ITGB3BP: variants seen among roughly 807,000 people sequenced by gnomAD.
ITGB3BP encodes centromere protein R.
A neutral mutation model predicts 29.1 loss-of-function variants in ITGB3BP; 27 were observed. The ratio of observed to expected loss-of-function variants is 0.93; its 90% CI spans 0.68 to 1.28. The LOEUF (loss-of-function observed/expected upper bound fraction) is 1.28. Ranked by LOEUF, ITGB3BP falls within the 50% of genes most tolerant of loss-of-function variation. ITGB3BP has a pLI of 0.00. For synonymous variants in ITGB3BP, 61 were observed against 61.4 expected, an observed-to-expected ratio of 0.99 and a Z score of 0.03; for missense variants, 192 against 200.2, an observed-to-expected ratio of 0.96 and a Z score of 0.25.
intron 2 of ITGB3BP, among the ~76,000 whole-genome samples, chr1:63,493,209 C>T (rs1426166650): frequency 6.6e-6 from 1 of 151,882 alleles, no homozygotes; most frequent in East Asian, 1.9e-4. Flanking sequence ...CACTTGAGGC[C>T]GAGTAGGAGA....
At position 63,446,859 on chromosome 1, in the gene ITGB3BP, A is replaced by G; in HGVS notation, c.485-3T>C. 1 of 1,604,186 alleles carries G rather than the reference A, an allele frequency of 6.2e-7. No homozygotes were observed. The highest frequency in any genetic ancestry group is 8.5e-7 in the Non-Finnish European group (1 of 1,173,236). Reference sequence around the variant, plus strand: ...ATAGCTGTCAAGATGACGTGATGCTATATGAAAGAAGAAAGGTTTTTTTTT... The same window carrying G: ...ATAGCTGTCAAGATGACGTGATGCTGTATGAAAGAAGAAAGGTTTTTTTTT... On this transcript the variant is annotated splice_polypyrimidine_tract_variant and splice_region_variant and intron_variant, in intron 7 of 8. Coordinates refer to ENST00000271002, the MANE Select transcript of ITGB3BP (RefSeq NM_014288.5).
At chr1:63,441,827 C>T (rs1644734385) in intron 8 of ITGB3BP, among the ~76,000 whole-genome samples, 1 of 152,118 alleles carries the variant, frequency 6.6e-6, no homozygotes, top group Non-Finnish European at 1.5e-5. Flanking sequence ...GTGGTAGAGG[C>T]TCATGTCTCT....
chr1:63,459,928 A>G (rs749797203), intron 4 of ITGB3BP, among the ~76,000 whole-genome samples: 1 of 152,140 alleles, frequency 6.6e-6, no homozygotes, highest in Non-Finnish European at 1.5e-5. Context: ...GGCAATTCTT[A>G]TGCACATAAA....
intron 3 of ITGB3BP, among the ~76,000 whole-genome samples, chr1:63,481,548 A>G (rs1409154872): frequency 6.6e-6 from 1 of 152,170 alleles, no homozygotes; most frequent in African/African-American, 2.4e-5. Context: ...AAGTGACCAA[A>G]CACTTGTGTA....
chr1:63,515,656 T>C (rs149809012), intron 1 of ITGB3BP, among the ~76,000 whole-genome samples: 144 of 151,584 alleles, frequency 9.5e-4, no homozygotes, highest in Non-Finnish European at 1.4e-3. Context: ...TGAAACCCCA[T>C]CTCTACTAAA....
At chr1:63,477,749 A>G (rs966657047) in intron 4 of ITGB3BP, among the ~76,000 whole-genome samples, 11 of 152,086 alleles carry the variant, frequency 7.2e-5, no homozygotes, top group African/African-American at 2.7e-4. Context: ...TAAGCTCCCA[A>G]TGGGGAAAAC....
At chr1:63,516,042 T>C (rs1469613978) in intron 1 of ITGB3BP, among the ~76,000 whole-genome samples, 2 of 151,378 alleles carry the variant, frequency 1.3e-5, no homozygotes, top group South Asian at 2.1e-4. Flanking sequence ...TGGAACACTA[T>C]GCAGCCATAA....
At chr1:63,523,246 T>G, upstream of ITGB3BP, 1 of 1,433,596 alleles carries the variant, frequency 7.0e-7, no homozygotes, top group Non-Finnish European at 9.8e-7. Context: ...CGCTGGACGT[T>G]GCGTCAAGCC....
chr1:63,493,509 C>G (rs1325555369), intron 2 of ITGB3BP, among the ~76,000 whole-genome samples: 1 of 152,046 alleles, frequency 6.6e-6, no homozygotes, highest in African/African-American at 2.4e-5. Context: ...CATTTCTAAA[C>G]AAAAGAAATG....
At chr1:63,508,877 T>TGA (rs1553166597) in intron 1 of ITGB3BP, among the ~76,000 whole-genome samples, 2 of 152,018 alleles carry the variant, frequency 1.3e-5, no homozygotes, top group African/African-American at 4.8e-5. Flanking sequence ...AAAACTCTTA[T>TGA]AAAAGTTAGT....
In ITGB3BP at chr1:63,508,543, AC is replaced by A; in HGVS notation, c.32del (p.Gly11ValfsTer3). Reference sequence around the variant, plus strand: ...AAATACTTACATTTTCTTCTAACAGACCATCCAACTTCAGTGATCTTTTAAC... The same window carrying A: ...AAATACTTACATTTTCTTCTAACAGACATCCAACTTCAGTGATCTTTTAAC... MPVKRSLKLD[G>X]LLEENSFDPS... On this transcript the variant is annotated frameshift_variant, in exon 2 of 9. Coordinates refer to ENST00000271002, the MANE Select transcript of ITGB3BP (RefSeq NM_014288.5). LOFTEE classifies it high-confidence loss of function. 1 of 1,432,188 alleles carries A rather than the reference AC, an allele frequency of 7.0e-7. No individual in the cohort carries two copies. The highest frequency in any genetic ancestry group is 1.4e-5 in the South Asian group (1 of 73,860). 88.7% of individuals were successfully genotyped at this position (1,432,188 alleles called of 1,614,324 possible).
At chr1:63,463,507 A>G (rs1187504578) in intron 4 of ITGB3BP, among the ~76,000 whole-genome samples, 1 of 152,196 alleles carries the variant, frequency 6.6e-6, no homozygotes, top group Non-Finnish European at 1.5e-5. Context: ...AAACTAGGAA[A>G]ACAATACACA....
At chr1:63,445,240 C>G (rs946445897) in intron 8 of ITGB3BP, among the ~76,000 whole-genome samples, 1 of 152,066 alleles carries the variant, frequency 6.6e-6, no homozygotes, top group Non-Finnish European at 1.5e-5. Context: ...GAGCCGAGAT[C>G]GTGCCACTGC....
At chr1:63,489,796 G>A (rs1222918093) in intron 3 of ITGB3BP, among the ~76,000 whole-genome samples, 1 of 152,062 alleles carries the variant, frequency 6.6e-6, no homozygotes, top group Admixed American at 6.6e-5. Flanking sequence ...AGCTTGTTAA[G>A]GGGCATATCT....
intron 3 of ITGB3BP, 152 bp from the exon 4 acceptor site, chr1:63,478,985 T>C (rs568539544): frequency 5.3e-6 from 2 of 376,252 alleles, no homozygotes; most frequent in Admixed American, 4.7e-5. Context: ...TTGTTTTTTT[T>C]CATTTCCCAT....
At chr1:63,518,005 G>A (rs74977613) in intron 1 of ITGB3BP, among the ~76,000 whole-genome samples, 1 of 152,190 alleles carries the variant, frequency 6.6e-6, no homozygotes, top group Non-Finnish European at 1.5e-5. Flanking sequence ...TTACCGGCAT[G>A]AGCCACTGGG....
At chr1:63,521,683 A>C (rs1646450271) in intron 1 of ITGB3BP, among the ~76,000 whole-genome samples, 1 of 152,084 alleles carries the variant, frequency 6.6e-6, no homozygotes, top group Non-Finnish European at 1.5e-5. Context: ...TAAAAAAATT[A>C]GGCATGGTGG....
intron 1 of ITGB3BP, among the ~76,000 whole-genome samples, chr1:63,516,824 A>G (rs1189588731): frequency 6.6e-6 from 1 of 152,132 alleles, no homozygotes; most frequent in African/African-American, 2.4e-5. Flanking sequence ...GGGAAATAAT[A>G]GACACTGAGA....
intron 4 of ITGB3BP, among the ~76,000 whole-genome samples, chr1:63,462,034 G>A (rs1357745862): frequency 2.6e-5 from 4 of 152,168 alleles, no homozygotes; most frequent in Non-Finnish European, 5.9e-5. Flanking sequence ...AGAAATATAG[G>A]AATTACAGTG....
Sources: allele counts gnomAD v4.1 joint callset (sites outside exome capture counted in the v4.1 genomes callset), GRCh38; gene constraint gnomAD v4.1.1; transcripts MANE v1.5; gene names NCBI Gene and HGNC (gene_info 2026-07-23, HGNC 2026-07-21).